PDZRN3: variants seen among roughly 807,000 people sequenced by gnomAD.
PDZRN3 encodes the protein E3 ubiquitin-protein ligase PDZRN3.
A neutral mutation model predicts 85.7 loss-of-function variants in PDZRN3; 38 were observed. The observed-to-expected ratio is 0.44, with a 90% confidence interval of 0.34 to 0.58. PDZRN3 has a LOEUF of 0.58. Ranked by LOEUF, PDZRN3 falls within the 20% of genes least tolerant of loss-of-function variation. The probability of loss-of-function intolerance (pLI) is 0.01; values close to 1 mark genes in which losing one functional copy is unlikely to be tolerated. For synonymous variants in PDZRN3, 759 were observed against 638.0 expected, an observed-to-expected ratio of 1.19 and a Z score of -2.86; for missense variants, 1,629 against 1,506.4, an observed-to-expected ratio of 1.08 and a Z score of -1.35.
chr3:73,551,645 C>CA (rs1384740424), intron 3 of PDZRN3, among the ~76,000 whole-genome samples: 1 of 143,740 alleles, frequency 7.0e-6, no homozygotes, highest in African/African-American at 2.6e-5. Flanking sequence ...ACTGTGATTG[C>CA]ACCACTGCAC....
At chr3:73,605,486 A>G (rs1036058670) in intron 2 of PDZRN3, among the ~76,000 whole-genome samples, 20 of 152,234 alleles carry the variant, frequency 1.3e-4, no homozygotes, top group Non-Finnish European at 8.8e-5. Flanking sequence ...GAGGACTAAC[A>G]AATGAATGAT....
At chr3:73,419,138 G>A (rs1047117466) in intron 3 of PDZRN3, among the ~76,000 whole-genome samples, 2 of 152,126 alleles carry the variant, frequency 1.3e-5, no homozygotes, top group Non-Finnish European at 2.9e-5. Context: ...CCTACCAGGA[G>A]CAAATCATCT....
chr3:73,438,658 G>T (rs990594105), intron 3 of PDZRN3, among the ~76,000 whole-genome samples: 5 of 152,150 alleles, frequency 3.3e-5, no homozygotes, highest in Non-Finnish European at 7.3e-5. Context: ...TCTTTCCTGG[G>T]GATCTTTCCA....
intron 7 of PDZRN3, 86 bp downstream of exon 7, chr3:73,389,730 A>C (rs1386931237): frequency 1.0e-6 from 1 of 992,040 alleles, no homozygotes; most frequent in Non-Finnish European, 1.6e-6. Context: ...CCGCTTCTGC[A>C]TTTTCAACCC....
intron 1 of PDZRN3, among the ~76,000 whole-genome samples, chr3:73,620,014 G>C (rs1282804124): frequency 6.6e-6 from 1 of 152,174 alleles, no homozygotes; most frequent in African/African-American, 2.4e-5. Context: ...GCCTCTAGTA[G>C]GTAGGTAGGT....
rs761131651 is a variant in PDZRN3, at chr3:73,384,682, G to A, written c.1884C>T (p.Ala628=). The change falls in exon 10 of 10, where the codon GCC becomes GCT. Residue 628 remains alanine (A), a synonymous_variant. Transcript: ENST00000263666. ...CCAGGTAGTCGGCGTCCGTGCAGTC[G>A]GCCGAAATGAAAGACTCGTTGCTGA... The part of the protein sequence containing the change: ...LPFSNESFIS[A]DCTDADYLGI... 1.1e-5 allele frequency: 17 copies of A among 1,613,864 alleles called. No homozygotes were observed. Among genetic ancestry groups the A allele is most frequent in the East Asian group, 6.7e-5 (3 of 44,886 alleles).
intron 3 of PDZRN3, among the ~76,000 whole-genome samples, chr3:73,599,205 A>G (rs1035325368): frequency 6.6e-6 from 1 of 152,270 alleles, no homozygotes; most frequent in Non-Finnish European, 1.5e-5. Context: ...CCAAGTGTCC[A>G]TCACTGGGTG....
intron 3 of PDZRN3, among the ~76,000 whole-genome samples, chr3:73,532,952 C>T (rs1704692892): frequency 6.6e-6 from 1 of 152,220 alleles, no homozygotes; most frequent in Non-Finnish European, 1.5e-5. Flanking sequence ...AATCTAGCCA[C>T]TAACTGCATT....
intron 5 of PDZRN3, among the ~76,000 whole-genome samples, chr3:73,397,447 G>T (rs868686599): frequency 6.6e-6 from 1 of 152,204 alleles, no homozygotes; most frequent in South Asian, 2.1e-4. Context: ...GACTGCGACT[G>T]TTCTAAGAAA....
chr3:73,387,432 C>A (rs1701419345), intron 8 of PDZRN3, among the ~76,000 whole-genome samples: 1 of 152,202 alleles, frequency 6.6e-6, no homozygotes, highest in Admixed American at 6.5e-5. Context: ...CCTTCTGGGC[C>A]TTTCCTGGGT....
chr3:73,489,106 C>A (rs1703720348), intron 3 of PDZRN3, among the ~76,000 whole-genome samples: 1 of 152,188 alleles, frequency 6.6e-6, no homozygotes, highest in South Asian at 2.1e-4. Flanking sequence ...CAGCCCCAGC[C>A]AAGGCACAGT....
chr3:73,605,737 T>C (rs578221167), intron 2 of PDZRN3, among the ~76,000 whole-genome samples: 1 of 152,216 alleles, frequency 6.6e-6, no homozygotes, highest in Non-Finnish European at 1.5e-5. Flanking sequence ...GCAGAATACA[T>C]TCAGGTTTCA....
Position 73,384,397 on chromosome 3 carries a change from G to A in PDZRN3, c.2169C>T (p.Asn723=), listed in dbSNP as rs761020593. 1.2e-6 allele frequency: 2 copies of A among 1,609,684 alleles called. No homozygotes were observed. Among genetic ancestry groups the A allele is most frequent in the Admixed American group, 1.7e-5 (1 of 60,030 alleles). The change falls in exon 10 of 10, where the codon AAC becomes AAT. Residue 723 remains asparagine (N), a synonymous_variant. Coordinates refer to ENST00000263666, the MANE Select transcript of PDZRN3 (RefSeq NM_015009.3). ...EQYRESWMLH[N]SGFRNYNTSI... ...TGGTGTTGTAGTTGCGGAAGCCGCT[G>A]TTGTGCAGCATCCAGGACTCGCGGT...
At chr3:73,565,756 A>C (rs568916704) in intron 3 of PDZRN3, among the ~76,000 whole-genome samples, 30 of 151,350 alleles carry the variant, frequency 2.0e-4, no homozygotes, top group Non-Finnish European at 4.3e-4. Context: ...TGGCCAACAT[A>C]GTGAAACCCT....
chr3:73,547,594 A>G (rs1469482818), intron 3 of PDZRN3, among the ~76,000 whole-genome samples: 1 of 152,212 alleles, frequency 6.6e-6, no homozygotes, highest in Non-Finnish European at 1.5e-5. Context: ...TGCTCACAGG[A>G]CAGAGAGAAG....
chr3:73,491,003 C>T (rs1266483210), intron 3 of PDZRN3, among the ~76,000 whole-genome samples: 1 of 152,220 alleles, frequency 6.6e-6, no homozygotes, highest in African/African-American at 2.4e-5. Flanking sequence ...GCCAGGCAAG[C>T]CCTCCAAGTT....
intron 3 of PDZRN3, among the ~76,000 whole-genome samples, chr3:73,451,652 T>G (rs1018552127): frequency 6.6e-6 from 1 of 152,186 alleles, no homozygotes; most frequent in African/African-American, 2.4e-5. Context: ...CCTGGCTAAA[T>G]GCTATTTGAT....
chr3:73,522,322 T>C (rs1313493704), intron 3 of PDZRN3, among the ~76,000 whole-genome samples: 1 of 152,228 alleles, frequency 6.6e-6, no homozygotes, highest in African/African-American at 2.4e-5. Flanking sequence ...CTTTTTAATT[T>C]AACTTTTAGA....
Position 73,451,286 on chromosome 3 carries a change from T to C in PDZRN3, c.919-46891A>G, listed in dbSNP as rs141916270. Reference sequence around the variant, plus strand: ...AAAATAATTGCTCTCAAATTTTTACTGCTAATAAATGATTGGTACAGTCAA... The same window carrying C: ...AAAATAATTGCTCTCAAATTTTTACCGCTAATAAATGATTGGTACAGTCAA... On this transcript the variant is annotated intron_variant, in intron 3 of 9. Coordinates refer to ENST00000263666, the MANE Select transcript of PDZRN3 (RefSeq NM_015009.3). Among the ~76,000 whole-genome samples, 5 of 152,326 alleles carry C rather than the reference T, an allele frequency of 3.3e-5. No homozygotes were observed. The South Asian group carries it at 6.2e-4, about 19-fold the overall frequency.
Sources: gnomAD v4.1 joint callset for allele counts (sites outside exome capture counted in the v4.1 genomes callset) on GRCh38, gnomAD v4.1.1 for gene constraint, MANE v1.5 for transcripts, NCBI Gene and HGNC (gene_info 2026-07-23, HGNC 2026-07-21) for gene names.